NDUFS4: variants seen among roughly 807,000 people sequenced by gnomAD.
NDUFS4 encodes NADH:ubiquinone oxidoreductase subunit S4.
Under a neutral mutation model 24.3 loss-of-function variants are expected in NDUFS4, and 28 were observed. The observed-to-expected ratio is 1.15, with a 90% CI of 0.85 to 1.58. The LOEUF is 1.58. NDUFS4 is among the 40% of genes most tolerant of loss of function. The pLI is 0.00. For synonymous variants in NDUFS4, 93 were observed against 69.7 expected (o/e 1.34, Z -1.67); for missense variants, 223 against 207.9 (o/e 1.07, Z -0.45).
intron 2 of NDUFS4, among the ~76,000 whole-genome samples, chr5:53,614,073 T>G (rs945806307): frequency 1.3e-5 from 2 of 151,950 alleles, no homozygotes; most frequent in African/African-American, 4.8e-5. Context: ...AACATGCTCT[T>G]AAATAGTTGA....
intron 1 of NDUFS4, among the ~76,000 whole-genome samples, chr5:53,582,385 A>G (rs1392233301): frequency 6.6e-6 from 1 of 152,188 alleles, no homozygotes; most frequent in Non-Finnish European, 1.5e-5. Context: ...CAGGACAGGA[A>G]CCAGCCCTGG....
chr5:53,624,629 A>C (rs1751161210), intron 2 of NDUFS4, among the ~76,000 whole-genome samples: 1 of 152,144 alleles, frequency 6.6e-6, no homozygotes, highest in Non-Finnish European at 1.5e-5. Context: ...TACTTTTTAG[A>C]TTGTTCATTG....
chr5:53,578,242 C>CT (rs1749448060), intron 1 of NDUFS4, among the ~76,000 whole-genome samples: 2 of 152,134 alleles, frequency 1.3e-5, no homozygotes, highest in Admixed American at 6.5e-5. Flanking sequence ...TTATGTCTGT[C>CT]TTAGTTACTG....
At chr5:53,586,509 TTA>T (rs1749760071) in intron 1 of NDUFS4, among the ~76,000 whole-genome samples, 2 of 96,080 alleles carry the variant, frequency 2.1e-5, no homozygotes, top group East Asian at 6.7e-4. Context: ...AGTTAGTTAG[TTA>T]GTTTGTTTGT....
At chr5:53,618,845 G>A (rs890715091) in intron 2 of NDUFS4, among the ~76,000 whole-genome samples, 3 of 152,074 alleles carry the variant, frequency 2.0e-5, no homozygotes, top group African/African-American at 7.2e-5. Context: ...TGGGCACAGT[G>A]GCTCAAACCT....
intron 1 of NDUFS4, among the ~76,000 whole-genome samples, chr5:53,598,554 AAAAAT>A (rs1320864142): frequency 2.6e-5 from 4 of 152,190 alleles, no homozygotes; most frequent in Admixed American, 1.3e-4. Context: ...TATGTTTTCA[AAAAAT>A]AAAATATAAA....
intron 4 of NDUFS4, among the ~76,000 whole-genome samples, chr5:53,667,179 G>A (rs1752537886): frequency 6.6e-6 from 1 of 151,824 alleles, no homozygotes; most frequent in Non-Finnish European, 1.5e-5. Flanking sequence ...AAGTGGAGGT[G>A]GGGAGGCCAG....
At chr5:53,611,105 T>TA (rs2112466688) in intron 2 of NDUFS4, among the ~76,000 whole-genome samples, 1 of 152,176 alleles carries the variant, frequency 6.6e-6, no homozygotes, top group South Asian at 2.1e-4. Context: ...TTTTTACTGT[T>TA]ACATTTTAGA....
At chr5:53,576,193 A>G (rs532634376) in intron 1 of NDUFS4, among the ~76,000 whole-genome samples, 1 of 152,370 alleles carries the variant, frequency 6.6e-6, no homozygotes, top group South Asian at 2.1e-4. Context: ...CAGGCTTTGT[A>G]GCCCTTCCAT....
intron 4 of NDUFS4, among the ~76,000 whole-genome samples, chr5:53,660,624 A>G (rs1752310003): frequency 6.6e-6 from 1 of 152,012 alleles, no homozygotes; most frequent in African/African-American, 2.4e-5. Context: ...CGACAGTGTA[A>G]AAGTGTTCCT....
chr5:53,672,360 G>A (rs1740302181), intron 4 of NDUFS4, among the ~76,000 whole-genome samples: 1 of 152,054 alleles, frequency 6.6e-6, no homozygotes, highest in South Asian at 2.1e-4. Context: ...CAGAGTAAAA[G>A]TCAAAACAGC....
At chr5:53,642,072 T>G (rs558958308) in intron 2 of NDUFS4, among the ~76,000 whole-genome samples, 11 of 152,290 alleles carry the variant, frequency 7.2e-5, no homozygotes, top group Admixed American at 2.0e-4. Flanking sequence ...CTGAGAGATC[T>G]AGCAAAAATG....
intron 1 of NDUFS4, among the ~76,000 whole-genome samples, chr5:53,588,150 A>T (rs188181831): frequency 6.6e-6 from 1 of 152,272 alleles, no homozygotes; most frequent in East Asian, 1.9e-4. Flanking sequence ...GATAAAAGTT[A>T]TTTTTCCACC....
chr5:53,632,655 A>G (rs188240655), intron 2 of NDUFS4, among the ~76,000 whole-genome samples: 1 of 152,088 alleles, frequency 6.6e-6, no homozygotes, highest in Non-Finnish European at 1.5e-5. Context: ...ATGTGCCCCC[A>G]TGCATGAAGC....
chr5:53,595,169 C>T (rs1750096027), intron 1 of NDUFS4, among the ~76,000 whole-genome samples: 1 of 152,064 alleles, frequency 6.6e-6, no homozygotes, highest in South Asian at 2.1e-4. Flanking sequence ...ATTTTAATTA[C>T]AGTAGTCTGT....
At chr5:53,589,995 TG>T (rs1216018893) in intron 1 of NDUFS4, among the ~76,000 whole-genome samples, 3 of 152,192 alleles carry the variant, frequency 2.0e-5, no homozygotes, top group Admixed American at 2.0e-4. Flanking sequence ...CCTTGTTAGT[TG>T]TGTCCCTCTA....
intron 2 of NDUFS4, among the ~76,000 whole-genome samples, chr5:53,642,933 A>G (rs1751745477): frequency 6.6e-6 from 1 of 152,106 alleles, no homozygotes; most frequent in Non-Finnish European, 1.5e-5. Flanking sequence ...GTGAATTATC[A>G]TTGACTTATT....
At chr5:53,630,053 G>A (rs1221047170) in intron 2 of NDUFS4, among the ~76,000 whole-genome samples, 2 of 152,182 alleles carry the variant, frequency 1.3e-5, no homozygotes, top group Non-Finnish European at 2.9e-5. Context: ...TCCTTCAGGA[G>A]TTCTTGTTAA....
chr5:53,660,862 G>A (rs991729265), intron 4 of NDUFS4, among the ~76,000 whole-genome samples: 4 of 151,992 alleles, frequency 2.6e-5, no homozygotes, highest in Admixed American at 2.6e-4. Context: ...TTTTTTTCTT[G>A]TAAATTTGTT....
Sources: allele counts gnomAD v4.1 joint callset (sites outside exome capture counted in the v4.1 genomes callset), GRCh38; gene constraint gnomAD v4.1.1; transcripts MANE v1.5; gene names NCBI Gene and HGNC (gene_info 2026-07-23, HGNC 2026-07-21).